Variants in LYPLA1 observed in about 807,000 individuals in gnomAD.
LYPLA1 encodes the protein acyl-protein thioesterase 1.
LYPLA1 carries 17 observed loss-of-function variants against 34.0 expected under a neutral mutation model. The ratio of observed to expected loss-of-function variants is 0.50; its 90% CI spans 0.34 to 0.75. LYPLA1 has a LOEUF of 0.75. Among genes scored for constraint, LYPLA1 ranks in the 30% least tolerant of loss-of-function variants. The probability of loss-of-function intolerance (pLI) is 0.01; values close to 1 mark genes in which losing one functional copy is unlikely to be tolerated. For missense variants in LYPLA1, 203 were observed against 288.8 expected (o/e 0.70, Z 2.15); for synonymous variants, 98 against 100.8 (o/e 0.97, Z 0.17).
downstream of LYPLA1, among the ~76,000 whole-genome samples, chr8:54,046,151 C>CT (rs1805477447): frequency 6.6e-6 from 1 of 152,004 alleles, no homozygotes; most frequent in African/African-American, 2.4e-5. Context: ...TAGGTAGAAA[C>CT]ATTGAAAACC....
downstream of LYPLA1, among the ~76,000 whole-genome samples, chr8:54,044,185 C>T (rs1386059042): frequency 6.6e-6 from 1 of 152,144 alleles, no homozygotes; most frequent in Admixed American, 6.5e-5. Flanking sequence ...GAGGGAGCCA[C>T]CGTGCCCAGC....
Position 54,095,283 on chromosome 8 carries a change from C to T in LYPLA1, c.101+5625G>A, listed in dbSNP as rs562172714. Among the ~76,000 whole-genome samples the T allele has an allele frequency of 3.3e-5, 5 of 152,228 alleles. No individual in the cohort carries two copies. The East Asian group carries it at 9.6e-4, about 29-fold the overall frequency. ...AAGTGCTGGAATTACAGGCATGAGC[C>T]ACTGCACCCGGCCAGAACAAAGGAA... On this transcript the variant is annotated intron_variant, in intron 2 of 8. Coordinates refer to ENST00000316963, the MANE Select transcript of LYPLA1 (RefSeq NM_006330.4).
rs143804531 is a variant in LYPLA1 at position 54,090,201 on chromosome 8, C to T, written c.101+10707G>A. ...TGGATAAGATAGGGCTATAAATGCCCTCATCTTGCCACGGTTCTTCTAGGC... is the reference window on the plus strand; with the variant it reads ...TGGATAAGATAGGGCTATAAATGCCTTCATCTTGCCACGGTTCTTCTAGGC... On this transcript the variant is annotated intron_variant, in intron 2 of 8. Coordinates refer to ENST00000316963, the MANE Select transcript of LYPLA1 (RefSeq NM_006330.4). Among the ~76,000 whole-genome samples, 564 of 152,326 alleles carry T rather than the reference C, an allele frequency of 3.7e-3. 3 individuals carry two copies. The highest frequency in any genetic ancestry group is 0.013 in the African/African-American group (547 of 41,574).
chr8:54,076,571 T>C (rs1232345371), intron 2 of LYPLA1, among the ~76,000 whole-genome samples: 5 of 152,160 alleles, frequency 3.3e-5, no homozygotes, highest in African/African-American at 1.2e-4. Context: ...AAACTGGCTA[T>C]AAACAAAATC....
rs564100408 is a variant in LYPLA1, at chr8:54,061,623, T to C, written c.286+631A>G. On this transcript the variant is annotated intron_variant, in intron 5 of 8. Transcript: ENST00000316963. ...ACCCTGTGTCTACAAAAAGAAAAAA[T>C]TAAAACCTGGCGGGGCATGGTGGTG... Among the ~76,000 whole-genome samples the C allele has an allele frequency of 6.5e-3, 981 of 151,832 alleles. 22 individuals are homozygous for C. Among genetic ancestry groups the C allele is most frequent in the Non-Finnish European group, 5.1e-3 (346 of 67,924 alleles).
chr8:54,052,945 A>C, intron 6 of LYPLA1, 189 bp from the exon 7 acceptor site: 1 of 512,126 alleles, frequency 2.0e-6, no homozygotes, highest in Non-Finnish European at 3.5e-6. Context: ...TCTACACCAG[A>C]GAACATACAG....
chr8:54,078,790 C>G (rs1005462756), intron 2 of LYPLA1, among the ~76,000 whole-genome samples: 6 of 152,020 alleles, frequency 3.9e-5, no homozygotes, highest in Non-Finnish European at 7.4e-5. Context: ...GAAACACCTT[C>G]TACCATCTGC....
intron 5 of LYPLA1, among the ~76,000 whole-genome samples, chr8:54,057,563 A>T (rs976864023): frequency 3.9e-5 from 6 of 152,236 alleles, no homozygotes; most frequent in African/African-American, 9.6e-5. Flanking sequence ...AGCCAGACAC[A>T]GAAAGACAAA....
chr8:54,074,190 C>T (rs1012631769), intron 2 of LYPLA1, among the ~76,000 whole-genome samples: 12 of 152,178 alleles, frequency 7.9e-5, no homozygotes, highest in African/African-American at 7.2e-5. Context: ...AGGAGAATGG[C>T]GGGAACCCGG....
At position 54,084,151 on chromosome 8, in the gene LYPLA1, T is replaced by A. The variant is rs1338590412; in HGVS notation, c.101+16757A>T. Among the ~76,000 whole-genome samples the A allele has an allele frequency of 6.8e-4, 88 of 129,334 alleles. 1 individual carries two copies. The highest frequency in any genetic ancestry group is 3.0e-3 in the African/African-American group (81 of 27,202). The allele number at this position is 129,334 out of a possible 152,430, so 84.8% of individuals were successfully genotyped here. A position where few individuals can be genotyped will look rare whatever the true frequency, so the allele number is the denominator to read the frequency against. On this transcript the variant is annotated intron_variant, in intron 2 of 8. Transcript: ENST00000316963. ...AAAAAAAAATAAATAAATATATATATATATATATATATAAAATAAAGACCT... is the reference window on the plus strand; with the variant it reads ...AAAAAAAAATAAATAAATATATATAAATATATATATATAAAATAAAGACCT...
intron 5 of LYPLA1, among the ~76,000 whole-genome samples, chr8:54,058,185 T>C (rs1311637504): frequency 3.3e-5 from 5 of 152,210 alleles, no homozygotes; most frequent in Non-Finnish European, 7.3e-5. Flanking sequence ...TTAAGTGTTG[T>C]ACGTAGTTAA....
chr8:54,043,654 T>C (rs1402420641), downstream of LYPLA1, among the ~76,000 whole-genome samples: 1 of 151,818 alleles, frequency 6.6e-6, no homozygotes, highest in Non-Finnish European at 1.5e-5. Flanking sequence ...TACAGCCTCC[T>C]GGGTTCAAGC....
intron 1 of LYPLA1, 102 bp from the exon 2 acceptor site, chr8:54,101,041 G>A (rs1390139862): frequency 6.1e-6 from 6 of 982,166 alleles, no homozygotes; most frequent in African/African-American, 3.3e-5. Flanking sequence ...CGAAACCTAC[G>A]AGAGAATTAC....
intron 2 of LYPLA1, among the ~76,000 whole-genome samples, chr8:54,099,176 T>C (rs1388997876): frequency 1.3e-5 from 2 of 152,108 alleles, no homozygotes; most frequent in African/African-American, 2.4e-5. Flanking sequence ...GTGCTCATTA[T>C]TGGCAAAGTT....
At chr8:54,085,443 G>A (rs962357301) in intron 2 of LYPLA1, among the ~76,000 whole-genome samples, 2 of 152,170 alleles carry the variant, frequency 1.3e-5, no homozygotes, top group South Asian at 2.1e-4. Flanking sequence ...CTGCCCCGCC[G>A]CCCATCGTCT....
chr8:54,052,415 T>A (rs574777801), intron 7 of LYPLA1, among the ~76,000 whole-genome samples: 1 of 152,272 alleles, frequency 6.6e-6, no homozygotes, highest in Non-Finnish European at 1.5e-5. Context: ...GCAGCATTAC[T>A]GACTGCAGCA....
intron 7 of LYPLA1, 81 bp downstream of exon 7, chr8:54,052,574 A>T (rs1805918702): frequency 1.2e-6 from 1 of 866,944 alleles, no homozygotes; most frequent in Non-Finnish European, 1.8e-6. Flanking sequence ...ATAAAAAAAA[A>T]TAAGATGACT....
intron 2 of LYPLA1, among the ~76,000 whole-genome samples, chr8:54,086,732 G>A (rs553812375): frequency 6.6e-6 from 1 of 152,144 alleles, no homozygotes; most frequent in Non-Finnish European, 1.5e-5. Context: ...GCATGGTGGT[G>A]TGCACCTGTG....
chr8:54,051,249 G>T, intron 7 of LYPLA1, 61 bp from the exon 8 acceptor site: 1 of 1,379,588 alleles, frequency 7.2e-7, no homozygotes, highest in Non-Finnish European at 9.7e-7. Flanking sequence ...ACTATGCCAG[G>T]CATTTAAAAT....
Sources: allele counts gnomAD v4.1 joint callset (sites outside exome capture counted in the v4.1 genomes callset), GRCh38; gene constraint gnomAD v4.1.1; transcripts MANE v1.5; gene names NCBI Gene and HGNC (gene_info 2026-07-23, HGNC 2026-07-21).